The following MAGI2 variants were observed in gnomAD, a reference collection of about 807,000 sequenced individuals.
MAGI2 encodes membrane-associated guanylate kinase, WW and PDZ domain-containing protein 2.
Under a neutral mutation model 133.3 loss-of-function variants are expected in MAGI2, and 35 were observed. The ratio of observed to expected loss-of-function variants is 0.26; its 90% CI spans 0.20 to 0.35. The LOEUF (loss-of-function observed/expected upper bound fraction) is 0.35, where lower values mean the gene tolerates loss of function less well. MAGI2 is among the 10% of genes least tolerant of loss of function. MAGI2 has a pLI of 1.00. For missense variants in MAGI2, 1,636 were observed against 1,863.4 expected, an observed-to-expected ratio of 0.88 and a Z score of 2.25; for synonymous variants, 729 against 710.6, an observed-to-expected ratio of 1.03 and a Z score of -0.41.
rs10539344 is a variant in MAGI2, at chr7:79,170,137, CTTTTTTTTTTTTTTTTT to C, written c.302-162948_302-162932del. 6.1e-3 allele frequency among the ~76,000 whole-genome samples: 262 copies of C among 42,978 alleles called. 5 individuals carry two copies. Among genetic ancestry groups the C allele is most frequent in the African/African-American group, 0.022 (256 of 11,630 alleles). The allele number at this position is 42,978 out of a possible 152,430, so 28.2% of individuals were successfully genotyped here. A position where few individuals can be genotyped will look rare whatever the true frequency, so the allele number is the denominator to read the frequency against. On this transcript the variant is annotated intron_variant, in intron 1 of 21. Coordinates refer to ENST00000354212, the MANE Select transcript of MAGI2 (RefSeq NM_012301.4). The stretch of plus-strand genomic sequence containing the variant: ...TCAATGGTTACTTTGAGATATTATA[CTTTTTTTTTTTTTTTTT>C]TTTTTTTTTTTTGAGACAGGGTCTT...
chr7:78,923,172 T>C (rs1000844906), intron 2 of MAGI2, among the ~76,000 whole-genome samples: 1 of 152,214 alleles, frequency 6.6e-6, no homozygotes, highest in African/African-American at 2.4e-5. Flanking sequence ...TAGTTTCTTT[T>C]GCTGTGCAGA....
intron 2 of MAGI2, among the ~76,000 whole-genome samples, chr7:78,688,799 A>G (rs985976803): frequency 1.3e-5 from 2 of 152,206 alleles, no homozygotes; most frequent in Non-Finnish European, 2.9e-5. Flanking sequence ...CTGCTTCTCA[A>G]TTTTTAGAAC....
At chr7:78,639,577 T>C (rs955006316) in intron 2 of MAGI2, among the ~76,000 whole-genome samples, 1 of 152,218 alleles carries the variant, frequency 6.6e-6, no homozygotes, top group African/African-American at 2.4e-5. Flanking sequence ...CTAAATCTTA[T>C]TATAAAGTTG....
intron 1 of MAGI2, among the ~76,000 whole-genome samples, chr7:79,378,704 C>A (rs1843543849): frequency 1.3e-5 from 2 of 151,110 alleles, no homozygotes; most frequent in Non-Finnish European, 3.0e-5. Flanking sequence ...ATTGTTAATG[C>A]AGTTAACAAA....
intron 20 of MAGI2, among the ~76,000 whole-genome samples, chr7:78,122,248 T>C (rs1368848192): frequency 6.6e-6 from 1 of 152,202 alleles, no homozygotes; most frequent in Non-Finnish European, 1.5e-5. Flanking sequence ...TTATTACATA[T>C]GTTAGAAATA....
chr7:78,678,392 C>T (rs568677984), intron 2 of MAGI2, among the ~76,000 whole-genome samples: 1 of 152,236 alleles, frequency 6.6e-6, no homozygotes, highest in South Asian at 2.1e-4. Context: ...TCATCTTCCC[C>T]TTTATCCCCA....
At chr7:78,549,941 G>A (rs531862639) in intron 3 of MAGI2, among the ~76,000 whole-genome samples, 73 of 152,156 alleles carry the variant, frequency 4.8e-4, no homozygotes, top group African/African-American at 1.7e-3. Flanking sequence ...TCCTATCCTT[G>A]ATAGTGTTAG....
intron 6 of MAGI2, among the ~76,000 whole-genome samples, chr7:78,399,187 G>GA (rs1042512687): frequency 1.1e-4 from 16 of 152,240 alleles, no homozygotes; most frequent in Admixed American, 8.5e-4. Flanking sequence ...ATAATTCAGT[G>GA]AAAAAACATT....
intron 20 of MAGI2, among the ~76,000 whole-genome samples, chr7:78,108,851 ATATATC>A (rs1382903596): frequency 6.6e-6 from 1 of 152,122 alleles, no homozygotes; most frequent in Non-Finnish European, 1.5e-5. Context: ...GAAGATATCA[ATATATC>A]TATATCTATA....
intron 9 of MAGI2, among the ~76,000 whole-genome samples, chr7:78,287,020 C>T (rs940066280): frequency 1.2e-4 from 18 of 152,074 alleles, no homozygotes; most frequent in African/African-American, 4.3e-4. Flanking sequence ...CATTGTATTC[C>T]AGGCTAAGGA....
At chr7:79,033,206 G>T (rs1810774781) in intron 1 of MAGI2, among the ~76,000 whole-genome samples, 1 of 152,012 alleles carries the variant, frequency 6.6e-6, no homozygotes, top group African/African-American at 2.4e-5. Flanking sequence ...TATCTATACT[G>T]GAAATTTCAG....
intron 1 of MAGI2, among the ~76,000 whole-genome samples, chr7:79,082,798 G>C (rs976070525): frequency 1.3e-5 from 2 of 151,692 alleles, no homozygotes; most frequent in African/African-American, 2.4e-5. Flanking sequence ...TTGGGGGTTG[G>C]GGGGTATTGC....
At position 78,019,789 on chromosome 7, in the gene MAGI2, C is replaced by G. The variant is rs750821556; in HGVS notation, c.3894G>C (p.Lys1298Asn). ...IKREHDVRKP[K>N]ELSACGQKKQ... ...TCTTCTGGCCGCAGGCTGAAAGCTC[C>G]TTTGGTTTCCTAACGTCGTGTTCCC... Residue 1298 changes from lysine (K) to asparagine (N), a missense_variant, in exon 22 of 22, where the codon AAG (lysine) becomes AAC (asparagine). Coordinates refer to ENST00000354212, the MANE Select transcript of MAGI2 (RefSeq NM_012301.4). 1 of 1,613,162 alleles carries G rather than the reference C, an allele frequency of 6.2e-7. No individual in the cohort carries two copies. Among genetic ancestry groups the G allele is most frequent in the Non-Finnish European group, 8.5e-7 (1 of 1,179,872 alleles).
At chr7:79,018,133 T>C (rs1001803179) in intron 1 of MAGI2, among the ~76,000 whole-genome samples, 5 of 151,872 alleles carry the variant, frequency 3.3e-5, no homozygotes, top group Non-Finnish European at 1.5e-5. Flanking sequence ...AATGAAGAAA[T>C]GTCAAAGGCA....
intron 12 of MAGI2, among the ~76,000 whole-genome samples, chr7:78,191,180 T>A (rs184649604): frequency 2.0e-5 from 3 of 152,286 alleles, no homozygotes; most frequent in Non-Finnish European, 4.4e-5. Context: ...TACTTTTATA[T>A]ATGTAAGTTT....
rs55707442 is a variant in MAGI2, at chr7:78,527,006, C to CAAAAAAAAAAAAAAA, written c.539-5376_539-5362dup. 3.5e-3 allele frequency among the ~76,000 whole-genome samples: 160 copies of CAAAAAAAAAAAAAAA among 45,390 alleles called. 2 individuals are homozygous for CAAAAAAAAAAAAAAA. The highest frequency in any genetic ancestry group is 0.018 in the Middle Eastern group (1 of 56). 29.8% of individuals were successfully genotyped at this position (45,390 alleles called of 152,430 possible). On this transcript the variant is annotated intron_variant, in intron 3 of 21. Coordinates refer to ENST00000354212, the MANE Select transcript of MAGI2 (RefSeq NM_012301.4). ...ATGGTGACAGGGCAAGACTCCATCT[C>CAAAAAAAAAAAAAAA]AAAAAAAAAAAAAAAAAAAAAAAAA...
rs547308024 is a variant in MAGI2, at chr7:78,226,663, C to T, written c.2048-25470G>A. 5.9e-5 allele frequency among the ~76,000 whole-genome samples: 9 copies of T among 152,282 alleles called. No individual in the cohort carries two copies. The South Asian group carries it at 1.9e-3, about 32-fold the overall frequency. ...ATCACGGTCTGCCTTTGAATAGCTG[C>T]CATTGTAAGCTTTAGAGGTAACTAC... On this transcript the variant is annotated intron_variant, in intron 10 of 21. Transcript: ENST00000354212.
intron 2 of MAGI2, among the ~76,000 whole-genome samples, chr7:78,756,679 C>T (rs1351777838): frequency 1.3e-5 from 2 of 152,160 alleles, no homozygotes; most frequent in Non-Finnish European, 2.9e-5. Flanking sequence ...CATGGGATTC[C>T]TGTCCTCTAC....
intron 1 of MAGI2, among the ~76,000 whole-genome samples, chr7:79,311,851 C>CA (rs147926663): frequency 0.011 from 1,614 of 152,254 alleles, 70 homozygotes; most frequent in Admixed American, 0.074. Context: ...GCTACTTAGA[C>CA]AAAAAATCTT....
Sources: allele counts gnomAD v4.1 joint callset (sites outside exome capture counted in the v4.1 genomes callset), GRCh38; gene constraint gnomAD v4.1.1; transcripts MANE v1.5; gene names NCBI Gene and HGNC (gene_info 2026-07-23, HGNC 2026-07-21).